Variants in ACAA1 observed in about 807,000 individuals in gnomAD.
ACAA1 encodes 3-ketoacyl-CoA thiolase, peroxisomal.
A neutral mutation model predicts 48.8 loss-of-function variants in ACAA1; 44 were observed. The observed-to-expected ratio is 0.90, with a 90% confidence interval of 0.71 to 1.16. The LOEUF (loss-of-function observed/expected upper bound fraction) is 1.16, where lower values mean the gene tolerates loss of function less well. Ranked by LOEUF, ACAA1 falls within the 50% of genes most tolerant of loss-of-function variation. ACAA1 has a pLI of 0.00. For missense variants in ACAA1, 512 were observed against 562.3 expected, an observed-to-expected ratio of 0.91 and a Z score of 0.90; for synonymous variants, 233 against 226.5, an observed-to-expected ratio of 1.03 and a Z score of -0.26.
At chr3:38,123,853 T>G (rs1700606035) in intron 11 of ACAA1, 1 of 151,592 alleles carries the variant, frequency 6.6e-6, no homozygotes, top group South Asian at 2.1e-4. Flanking sequence ...ATACAAAAAT[T>G]AGCTGGGTGT....
rs1700660941 is a variant in ACAA1, at chr3:38,125,643, G to A, written c.1121C>T (p.Ala374Val). The part of the protein sequence containing the change: ...EKVNPLGGAV[A>V]LGHPLGCTGA... ...AGTGCAGCCCAGTGGGTGCCCTAAGGCCACTGCACCCCCCAGGGGGTTCAC... is the reference window on the plus strand; with the variant it reads ...AGTGCAGCCCAGTGGGTGCCCTAAGACCACTGCACCCCCCAGGGGGTTCAC... Residue 374 changes from alanine to valine, a missense_variant, in exon 11 of 12, where the codon GCC (alanine) becomes GTC (valine). By Grantham distance (64) the Ala-to-Val change is moderately conservative. Coordinates refer to ENST00000333167, the MANE Select transcript of ACAA1 (RefSeq NM_001607.4). The A allele has an allele frequency of 6.3e-7, 1 of 1,599,470 alleles. No individual in the cohort carries two copies. Among genetic ancestry groups the A allele is most frequent in the Non-Finnish European group, 8.5e-7 (1 of 1,171,800 alleles).
chr3:38,134,145 G>A (rs1700841916), intron 2 of ACAA1, 136 bp from the exon 3 acceptor site: 2 of 789,658 alleles, frequency 2.5e-6, no homozygotes, highest in Non-Finnish European at 4.1e-6. Flanking sequence ...TTGCAACTCT[G>A]GAACATCAGG....
At chr3:38,133,857 C>T (rs1204981498) in intron 3 of ACAA1, 95 bp downstream of exon 3, 2 of 1,362,998 alleles carry the variant, frequency 1.5e-6, no homozygotes, top group Non-Finnish European at 2.1e-6. Context: ...GGTGTCCAAC[C>T]TTATCCTCCC....
In ACAA1 at chr3:38,136,815, G is replaced by A. The variant is rs1700910069; in HGVS notation, c.171+50C>T. On this transcript the variant is annotated intron_variant, in intron 1 of 11. Coordinates refer to ENST00000333167, the MANE Select transcript of ACAA1 (RefSeq NM_001607.4). ...AACCAAACATACGAACCGGACCCCAGCCCGCGCCGGCGTCTTCCCACACTC... is the reference window on the plus strand; with the variant it reads ...AACCAAACATACGAACCGGACCCCAACCCGCGCCGGCGTCTTCCCACACTC... 4 of 1,486,366 alleles carry A rather than the reference G, an allele frequency of 2.7e-6. No homozygotes were observed. In the African/African-American group the frequency reaches 5.7e-5, roughly 21 times the overall value. 92.1% of individuals were successfully genotyped at this position (1,486,366 alleles called of 1,614,324 possible). A position where few individuals can be genotyped will look rare whatever the true frequency, so the allele number is the denominator to read the frequency against.
chr3:38,125,602 T>C lies in ACAA1; in HGVS notation c.1162A>G (p.Ile388Val). Residue 388 changes from isoleucine to valine, a missense_variant, in exon 11 of 12, where the codon ATC becomes GTC. Ile to Val is a conservative substitution (Grantham distance 29). Transcript: ENST00000333167. ...PLGCTGARQV[I>V]TLLNELKRRG... ...CGCTTCAGCTCATTGAGCAGCGTGA[T>C]GACCTGTCGTGCCCCAGTGCAGCCC... 6.3e-7 allele frequency: 1 copy of C among 1,590,148 alleles called. No individual in the cohort carries two copies. The highest frequency in any genetic ancestry group is 8.6e-7 in the Non-Finnish European group (1 of 1,167,496).
intron 3 of ACAA1, chr3:38,132,248 T>C: frequency 3.5e-6 from 1 of 287,560 alleles, no homozygotes; most frequent in South Asian, 5.5e-5. Flanking sequence ...TCTACTCCTA[T>C]GAGAATCTTC....
Position 38,126,374 on chromosome 3 carries a change from G to T in ACAA1, c.818-33C>A. On this transcript the variant is annotated intron_variant, in intron 8 of 11. Transcript: ENST00000333167. This position sits in a 1 kb window ranked among gnomAD's most constrained non-coding sequence, Gnocchi z 4.7. The stretch of plus-strand genomic sequence containing the variant: ...CAAACTGTTGGGGTAAGAAGGCATC[G>T]GGGTGGGGATGAGGAGATCCCAGCC... 6.2e-7 allele frequency: 1 copy of T among 1,608,420 alleles called. No individual in the cohort carries two copies. Among genetic ancestry groups the T allele is most frequent in the Non-Finnish European group, 8.5e-7 (1 of 1,176,652 alleles).
At chr3:38,134,281 T>C (rs1386534191) in intron 2 of ACAA1, 1 of 538,108 alleles carries the variant, frequency 1.9e-6, no homozygotes, top group Non-Finnish European at 3.3e-6. Flanking sequence ...GATGGGCAGG[T>C]TGTCTGCCCT....
chr3:38,125,403 AG>A (rs1317960547), intron 11 of ACAA1, 161 bp downstream of exon 11: 11 of 838,022 alleles, frequency 1.3e-5, no homozygotes, highest in Admixed American at 1.0e-4. Context: ...CCAAGACCTT[AG>A]GGACTTTGAT....
intron 9 of ACAA1, 96 bp from the exon 10 acceptor site, chr3:38,125,977 C>T (rs1044935844): frequency 1.3e-6 from 2 of 1,574,534 alleles, no homozygotes; most frequent in Middle Eastern, 1.8e-4. Context: ...TGGTGTGTGT[C>T]TCTTCCAGAA....
chr3:38,131,533 A>G, intron 5 of ACAA1, 63 bp downstream of exon 5: 1 of 1,546,600 alleles, frequency 6.5e-7, no homozygotes, highest in Non-Finnish European at 8.9e-7. Flanking sequence ...CTGAGAACTC[A>G]GATGAAAATT....
At chr3:38,134,655 A>C (rs1261661543) in intron 2 of ACAA1, 1 of 405,394 alleles carries the variant, frequency 2.5e-6, no homozygotes, top group Non-Finnish European at 5.0e-6. Context: ...ATCAAGGTTT[A>C]AGGGATTTAG....
rs140048660 is a variant in ACAA1, at chr3:38,123,070, C to T, written c.1252G>A (p.Val418Ile). The T allele has an allele frequency of 3.2e-5, 51 of 1,614,042 alleles. No individual in the cohort carries two copies. In the Middle Eastern group the frequency reaches 6.6e-4, roughly 21 times the overall value. Residue 418 changes from valine to isoleucine, a missense_variant, in exon 12 of 12, where the codon GTC (valine) becomes ATC (isoleucine). Transcript: ENST00000333167. ...ACTCAGTTCCCAGGGTATTCAAAGA[C>T]GGCAGCGGCTCCCATTCCAGTCCCG... ...CIGTGMGAAA[V>I]FEYPGN
In ACAA1 at chr3:38,137,043, G is replaced by C; in HGVS notation, c.-8C>G. 6.4e-7 allele frequency: 1 copy of C among 1,555,150 alleles called. No homozygotes were observed. On this transcript the variant is annotated 5_prime_UTR_variant, in exon 1 of 12. Transcript: ENST00000333167. ...TACCTGCAGCCTCTGCATTGCGCAG[G>C]TCAACCCTGCAGACCAGCCACCAGT...
Position 38,137,056 on chromosome 3 carries a change from A to C in ACAA1, c.-21T>G. The stretch of plus-strand genomic sequence containing the variant: ...TGCATTGCGCAGGTCAACCCTGCAG[A>C]CCAGCCACCAGTCCGGGAACTGACC... On this transcript the variant is annotated 5_prime_UTR_variant, in exon 1 of 12. Coordinates refer to ENST00000333167, the MANE Select transcript of ACAA1 (RefSeq NM_001607.4). 6.5e-7 allele frequency: 1 copy of C among 1,527,040 alleles called. No individual in the cohort carries two copies. Among genetic ancestry groups the C allele is most frequent in the Non-Finnish European group, 8.8e-7 (1 of 1,140,888 alleles). The allele number at this position is 1,527,040 out of a possible 1,614,324, so 94.6% of individuals were successfully genotyped here. A position where few individuals can be genotyped will look rare whatever the true frequency, so the allele number is the denominator to read the frequency against.
At chr3:38,133,237 C>T (rs1339753052) in intron 3 of ACAA1, among the ~76,000 whole-genome samples, 1 of 152,042 alleles carries the variant, frequency 6.6e-6, no homozygotes, top group Non-Finnish European at 1.5e-5. Flanking sequence ...AGACAGTAGG[C>T]CCACAGCCGG....
chr3:38,134,840 C>G (rs1212120684), intron 2 of ACAA1, among the ~76,000 whole-genome samples: 1 of 152,214 alleles, frequency 6.6e-6, no homozygotes, highest in Non-Finnish European at 1.5e-5. Flanking sequence ...CTGAGACAGC[C>G]TGAGATATGG....
intron 2 of ACAA1, among the ~76,000 whole-genome samples, chr3:38,135,941 T>G (rs575089683): frequency 1.3e-5 from 2 of 152,112 alleles, no homozygotes; most frequent in East Asian, 3.9e-4. Flanking sequence ...ACAATCTCAG[T>G]GGGGGGAAAC....
Position 38,137,059 on chromosome 3 carries a change from A to G in ACAA1, c.-24T>C. ...ATTGCGCAGGTCAACCCTGCAGACCAGCCACCAGTCCGGGAACTGACCGCG... is the reference window on the plus strand; with the variant it reads ...ATTGCGCAGGTCAACCCTGCAGACCGGCCACCAGTCCGGGAACTGACCGCG... On this transcript the variant is annotated 5_prime_UTR_variant, in exon 1 of 12. Coordinates refer to ENST00000333167, the MANE Select transcript of ACAA1 (RefSeq NM_001607.4). The G allele has an allele frequency of 1.3e-6, 2 of 1,526,232 alleles. No individual in the cohort carries two copies. Among genetic ancestry groups the G allele is most frequent in the South Asian group, 2.5e-5 (2 of 81,348 alleles). The allele number at this position is 1,526,232 out of a possible 1,614,324, so 94.5% of individuals were successfully genotyped here.
Sources: gnomAD v4.1 joint callset for allele counts (sites outside exome capture counted in the v4.1 genomes callset) on GRCh38, gnomAD v4.1.1 for gene constraint, Gnocchi (gnomAD v3.1) non-coding constraint, MANE v1.5 for transcripts, NCBI Gene and HGNC (gene_info 2026-07-23, HGNC 2026-07-21) for gene names.